The following LAP3 variants were observed in gnomAD, a reference collection of about 807,000 sequenced individuals.
LAP3 encodes leucine aminopeptidase 3, also known as cytosol aminopeptidase.
Under a neutral mutation model 58.8 loss-of-function variants are expected in LAP3, and 46 were observed. The observed-to-expected ratio is 0.78, with a 90% CI of 0.62 to 1.00. The LOEUF is 1.00. Ranked by LOEUF, LAP3 falls within the 50% of genes least tolerant of loss-of-function variation. The probability of loss-of-function intolerance (pLI) is 0.00; values close to 1 mark genes in which losing one functional copy is unlikely to be tolerated. For missense variants in LAP3, 615 were observed against 659.1 expected, an observed-to-expected ratio of 0.93 and a Z score of 0.73; for synonymous variants, 257 against 237.7, an observed-to-expected ratio of 1.08 and a Z score of -0.75.
rs1577223919 is a variant in LAP3 at position 17,597,148 on chromosome 4, A to G, written c.1077+14A>G. 8 of 1,606,764 alleles carry G rather than the reference A, an allele frequency of 5.0e-6. No homozygotes were observed. The highest frequency in any genetic ancestry group is 6.8e-6 in the Non-Finnish European group (8 of 1,173,630). ...AAGACCATCCAGGTTTGTAAATGTG[A>G]GACACAGCACTCCCCATCCAGCGTT... On this transcript the variant is annotated intron_variant, in intron 9 of 12. Coordinates refer to ENST00000226299, the MANE Select transcript of LAP3 (RefSeq NM_015907.3).
Position 17,607,566 on chromosome 4 carries a change from C to A in LAP3, c.1537C>A (p.Arg513Ser), listed in dbSNP as rs898043815. The change falls in exon 13 of 13, where the codon CGT (arginine) becomes AGT (serine). Residue 513 changes from arginine to serine, a missense_variant. By Grantham distance (110) the Arg-to-Ser change is moderately radical. Coordinates refer to ENST00000226299, the MANE Select transcript of LAP3 (RefSeq NM_015907.3). ...PTRTLIEFLL[R>S]FSQDNA ...AAGGACTCTCATTGAGTTCTTACTT[C>A]GTTTCAGTCAAGACAATGCTTAGTT... is the stretch of plus-strand genomic sequence containing the variant. The A allele has an allele frequency of 1.9e-6, 3 of 1,612,770 alleles. No homozygotes were observed. The highest frequency in any genetic ancestry group is 2.5e-6 in the Non-Finnish European group (3 of 1,179,696).
rs371099174 is a variant in LAP3, at chr4:17,582,910, C to A, written c.379+517C>A. Among the ~76,000 whole-genome samples the A allele has an allele frequency of 3.3e-5, 5 of 152,354 alleles. No individual in the cohort carries two copies. The East Asian group carries it at 9.6e-4, about 29-fold the overall frequency. ...CCGTCAAGAGCCATGATTAAAGATG[C>A]TTTGTAAAACATTTCTGAAACAGTG... On this transcript the variant is annotated intron_variant, in intron 4 of 12. Coordinates refer to ENST00000226299, the MANE Select transcript of LAP3 (RefSeq NM_015907.3).
In LAP3 at chr4:17,599,429, G is replaced by A. The variant is rs1210647873; in HGVS notation, c.1180+871G>A. 2.6e-5 allele frequency among the ~76,000 whole-genome samples: 4 copies of A among 152,052 alleles called. No individual in the cohort carries two copies. In the South Asian group the frequency reaches 6.2e-4, roughly 24 times the overall value. On this transcript the variant is annotated intron_variant, in intron 10 of 12. Coordinates refer to ENST00000226299, the MANE Select transcript of LAP3 (RefSeq NM_015907.3). Reference sequence around the variant, plus strand: ...CACGTGCCTGTAATTCCAGCTACTCGGGAGGCTGAGGCAGGAGAATTGCTT... The same window carrying A: ...CACGTGCCTGTAATTCCAGCTACTCAGGAGGCTGAGGCAGGAGAATTGCTT...
At chr4:17,596,527 C>A (rs981979640) in intron 8 of LAP3, among the ~76,000 whole-genome samples, 1 of 151,906 alleles carries the variant, frequency 6.6e-6, no homozygotes, top group East Asian at 1.9e-4. Context: ...TTAGTAGAGA[C>A]GGGGTTTCTC....
intron 11 of LAP3, among the ~76,000 whole-genome samples, chr4:17,605,075 A>G (rs1406148010): frequency 6.6e-6 from 1 of 151,584 alleles, no homozygotes; most frequent in Admixed American, 6.6e-5. Context: ...GCCTCCCTCC[A>G]TGCCCTTCAC....
chr4:17,582,138 C>A, intron 3 of LAP3, 150 bp from the exon 4 acceptor site: 1 of 679,842 alleles, frequency 1.5e-6, no homozygotes, highest in Non-Finnish European at 2.5e-6. Context: ...GAAAAAAAAG[C>A]CACAACCAAA....
At chr4:17,599,024 C>A (rs1389824394) in intron 10 of LAP3, among the ~76,000 whole-genome samples, 2 of 152,052 alleles carry the variant, frequency 1.3e-5, no homozygotes, top group African/African-American at 4.8e-5. Flanking sequence ...AGGCATGAGT[C>A]ACTGTGCCTG....
chr4:17,593,584 C>A (rs1713752099), intron 7 of LAP3, among the ~76,000 whole-genome samples: 3 of 136,000 alleles, frequency 2.2e-5, no homozygotes, highest in East Asian at 2.4e-4. Context: ...TTTGCATCTT[C>A]ATATACATTT....
At chr4:17,592,885 G>T (rs1368179522) in intron 7 of LAP3, among the ~76,000 whole-genome samples, 1 of 152,152 alleles carries the variant, frequency 6.6e-6, no homozygotes, top group Non-Finnish European at 1.5e-5. Flanking sequence ...CTGCACCTCC[G>T]CCTTCTGGGT....
rs1375148340 is a variant in LAP3, at chr4:17,595,293, C to T, written c.864-117C>T. The T allele has an allele frequency of 6.8e-6, 8 of 1,171,976 alleles. No individual in the cohort carries two copies. In the African/African-American group the frequency reaches 7.7e-5, roughly 11 times the overall value. The allele number at this position is 1,171,976 out of a possible 1,614,324, so 72.6% of individuals were successfully genotyped here. On this transcript the variant is annotated intron_variant, in intron 7 of 12. Transcript: ENST00000226299. ...GACCTCGTGATCCGCCCACCTCGGCCTCCCAAAGTGCTGGGATTACAGGCG... is the reference window on the plus strand; with the variant it reads ...GACCTCGTGATCCGCCCACCTCGGCTTCCCAAAGTGCTGGGATTACAGGCG...
rs1488293659 is a variant in LAP3, at chr4:17,607,486, T to C, written c.1457T>C (p.Met486Thr). The C allele has an allele frequency of 6.2e-7, 1 of 1,614,150 alleles. No individual in the cohort carries two copies. The highest frequency in any genetic ancestry group is 8.5e-7 in the Non-Finnish European group (1 of 1,180,034). The part of the protein sequence containing the change: ...KWAHLDIAGV[M>T]TNKDEVPYLR... ...GCACATTTAGACATAGCAGGCGTGA[T>C]GACCAACAAAGATGAAGTTCCCTAT... Residue 486 changes from methionine to threonine, a missense_variant, in exon 13 of 13, where the codon ATG (methionine) becomes ACG (threonine). Met to Thr is a moderately conservative substitution (Grantham distance 81). Coordinates refer to ENST00000226299, the MANE Select transcript of LAP3 (RefSeq NM_015907.3).
intron 10 of LAP3, among the ~76,000 whole-genome samples, chr4:17,601,248 A>G (rs1713973887): frequency 6.6e-6 from 1 of 152,230 alleles, no homozygotes; most frequent in Non-Finnish European, 1.5e-5. Context: ...AAAAATGGGA[A>G]GTATGCCTCT....
At position 17,585,127 on chromosome 4, in the gene LAP3, T is replaced by G. The variant is rs187351642; in HGVS notation, c.695T>G (p.Val232Gly). The G allele has an allele frequency of 5.0e-6, 8 of 1,612,490 alleles. No homozygotes were observed. Among genetic ancestry groups the G allele is most frequent in the Non-Finnish European group, 6.8e-6 (8 of 1,178,808 alleles). ...AAAAGTGCTAGTAGTAAAACCGAGGTCCATATCAGGTAATTCAGGATTGTG... is the reference window on the plus strand; with the variant it reads ...AAAAGTGCTAGTAGTAAAACCGAGGGCCATATCAGGTAATTCAGGATTGTG... The part of the protein sequence containing the change: ...NLKSASSKTE[V>G]HIRPKSWIEE... The change falls in exon 6 of 13, where the codon GTC becomes GGC. Residue 232 changes from valine to glycine, a missense_variant. Coordinates refer to ENST00000226299, the MANE Select transcript of LAP3 (RefSeq NM_015907.3).
Position 17,577,460 on chromosome 4 carries a change from G to T in LAP3, c.-6G>T, listed in dbSNP as rs13123846. ...GGAGGGCGGTGCGAGGGGCCGAGCC[G>T]ACAAGATGTTCTTGCTGCCTCTTCC... On this transcript the variant is annotated 5_prime_UTR_variant, in exon 1 of 13. Transcript: ENST00000226299. 2 of 1,564,524 alleles carry T rather than the reference G, an allele frequency of 1.3e-6. No homozygotes were observed. Among genetic ancestry groups the T allele is most frequent in the Non-Finnish European group, 1.7e-6 (2 of 1,156,644 alleles).
intron 6 of LAP3, 100 bp downstream of exon 6, chr4:17,585,236 G>A: frequency 9.9e-7 from 1 of 1,014,520 alleles, no homozygotes; most frequent in Non-Finnish European, 1.5e-6. Context: ...AATAACTTGA[G>A]ACCAGAGATT....
intron 7 of LAP3, among the ~76,000 whole-genome samples, chr4:17,590,140 T>C (rs1713643314): frequency 6.6e-6 from 1 of 152,194 alleles, no homozygotes; most frequent in Non-Finnish European, 1.5e-5. Flanking sequence ...GTTTCATTTT[T>C]GTTTTATTTG....
intron 7 of LAP3, 113 bp from the exon 8 acceptor site, chr4:17,595,297 C>A (rs924890219): frequency 5.7e-5 from 72 of 1,258,336 alleles, no homozygotes; most frequent in Non-Finnish European, 7.5e-5. Context: ...CTCGGCCTCC[C>A]AAAGTGCTGG....
intron 4 of LAP3, chr4:17,582,821 C>T (rs1194649003): frequency 6.0e-6 from 1 of 166,514 alleles, no homozygotes; most frequent in Non-Finnish European, 1.3e-5. Context: ...GTGTGCCTGT[C>T]CCAGTATGTC....
At chr4:17,601,016 G>A (rs1005945667) in intron 10 of LAP3, among the ~76,000 whole-genome samples, 18 of 152,292 alleles carry the variant, frequency 1.2e-4, no homozygotes, top group African/African-American at 3.4e-4. Flanking sequence ...AAGGCAGGCC[G>A]TACCCCAGAT....
Sources: gnomAD v4.1 joint callset for allele counts (sites outside exome capture counted in the v4.1 genomes callset) on GRCh38, gnomAD v4.1.1 for gene constraint, MANE v1.5 for transcripts, NCBI Gene and HGNC (gene_info 2026-07-23, HGNC 2026-07-21) for gene names.